Variants in CSMD1 observed in about 807,000 individuals in gnomAD.
CSMD1 encodes CUB and sushi domain-containing protein 1.
In CSMD1, 213 loss-of-function variants were observed where a neutral mutation model predicts 417.5. The ratio of observed to expected loss-of-function variants is 0.51; its 90% CI spans 0.46 to 0.57. The LOEUF is 0.57. CSMD1 is among the 20% of genes least tolerant of loss of function. CSMD1 has a pLI of 0.00. For synonymous variants in CSMD1, 2,862 were observed against 1,736.8 expected, an observed-to-expected ratio of 1.65 and a Z score of -16.11; for missense variants, 6,923 against 4,529.7, an observed-to-expected ratio of 1.53 and a Z score of -15.17.
At chr8:3,747,252 T>C (rs1259938078) in intron 6 of CSMD1, among the ~76,000 whole-genome samples, 3 of 152,186 alleles carry the variant, frequency 2.0e-5, no homozygotes, top group Non-Finnish European at 4.4e-5. Flanking sequence ...TTCTTTCTGT[T>C]CTGCCATCCA....
intron 5 of CSMD1, among the ~76,000 whole-genome samples, chr8:3,853,239 G>T (rs1255678990): frequency 1.3e-5 from 2 of 152,138 alleles, no homozygotes; most frequent in African/African-American, 4.8e-5. Context: ...TCCTTTTGGG[G>T]ATTCATTCCT....
chr8:4,723,295 C>A (rs752266748), intron 1 of CSMD1, among the ~76,000 whole-genome samples: 1 of 152,118 alleles, frequency 6.6e-6, no homozygotes, highest in South Asian at 2.1e-4. Flanking sequence ...TGGGAATCAT[C>A]CAATTACTAC....
Position 3,329,621 on chromosome 8 carries a change from G to T in CSMD1, c.3631+13673C>A, listed in dbSNP as rs563729118. On this transcript the variant is annotated intron_variant, in intron 23 of 69. Coordinates refer to ENST00000635120, the MANE Select transcript of CSMD1 (RefSeq NM_033225.6). The stretch of plus-strand genomic sequence containing the variant: ...ATGAGTGCGTCCCCTTCACAGGTTG[G>T]AGCTCAGGCTACTACAAAGGTCTGC... Among the ~76,000 whole-genome samples the T allele has an allele frequency of 5.9e-5, 9 of 152,186 alleles. No homozygotes were observed. The South Asian group carries it at 1.7e-3, about 28-fold the overall frequency.
At chr8:3,439,309 A>ATATATATTTTTTTTTT in intron 12 of CSMD1, among the ~76,000 whole-genome samples, 1 of 62,482 alleles carries the variant, frequency 1.6e-5, no homozygotes, top group Non-Finnish European at 2.9e-5. Context: ...ATATATATAT[A>ATATATATTTTTTTTTT]TTTTTTTTTT....
rs149218392 is a variant in CSMD1 at position 3,219,585 on chromosome 8, T to A, written c.4485-143A>T. On this transcript the variant is annotated intron_variant, in intron 28 of 69. Coordinates refer to ENST00000635120, the MANE Select transcript of CSMD1 (RefSeq NM_033225.6). ...AGGGCAATCAAAAAGTTAAATGTAG[T>A]ATGAATCAAAATATTAATAAAATAG... 344 of 565,062 alleles carry A rather than the reference T, an allele frequency of 6.1e-4. 3 individuals are homozygous for A. Among genetic ancestry groups the A allele is most frequent in the African/African-American group, 6.1e-3 (315 of 51,858 alleles). The allele number at this position is 565,062 out of a possible 1,614,324, so 35.0% of individuals were successfully genotyped here. A position where few individuals can be genotyped will look rare whatever the true frequency, so the allele number is the denominator to read the frequency against.
At chr8:4,381,303 G>T (rs540736938) in intron 3 of CSMD1, among the ~76,000 whole-genome samples, 1 of 152,236 alleles carries the variant, frequency 6.6e-6, no homozygotes, top group East Asian at 1.9e-4. Flanking sequence ...AAACCACTGG[G>T]TGGGGAATTG....
At chr8:3,682,341 A>C (rs934701013) in intron 7 of CSMD1, among the ~76,000 whole-genome samples, 1 of 152,216 alleles carries the variant, frequency 6.6e-6, no homozygotes, top group Admixed American at 6.5e-5. Flanking sequence ...AAACAAATTT[A>C]CAAGAAAAAA....
At chr8:4,193,431 T>C (rs980714451) in intron 3 of CSMD1, among the ~76,000 whole-genome samples, 3 of 151,800 alleles carry the variant, frequency 2.0e-5, no homozygotes, top group East Asian at 1.9e-4. Context: ...TCTGTTCACA[T>C]CCAGGTACCC....
At chr8:2,988,644 T>C (rs1806131485) in intron 54 of CSMD1, among the ~76,000 whole-genome samples, 1 of 152,220 alleles carries the variant, frequency 6.6e-6, no homozygotes, top group South Asian at 2.1e-4. Context: ...CATCTTCAAC[T>C]GTATAAATTA....
intron 2 of CSMD1, among the ~76,000 whole-genome samples, chr8:4,461,046 T>C (rs1008233267): frequency 6.6e-6 from 1 of 152,066 alleles, no homozygotes; most frequent in Admixed American, 6.6e-5. Context: ...CAACAACATA[T>C]AAAGCATTAT....
chr8:3,564,839 A>C (rs937912886), intron 10 of CSMD1, among the ~76,000 whole-genome samples: 1 of 152,056 alleles, frequency 6.6e-6, no homozygotes, highest in African/African-American at 2.4e-5. Flanking sequence ...AGTTTATGAA[A>C]AAAGTTGCAA....
At chr8:4,506,740 C>T (rs538365113) in intron 2 of CSMD1, among the ~76,000 whole-genome samples, 4 of 152,140 alleles carry the variant, frequency 2.6e-5, no homozygotes, top group Non-Finnish European at 4.4e-5. Context: ...GTTTCATCAG[C>T]TTATATATGG....
chr8:3,658,442 A>G (rs1798237994), intron 7 of CSMD1, among the ~76,000 whole-genome samples: 1 of 136,948 alleles, frequency 7.3e-6, no homozygotes, highest in South Asian at 2.3e-4. Flanking sequence ...GAGCAAGCAC[A>G]TATATCTATA....
At chr8:3,244,881 C>G (rs1315456903) in intron 26 of CSMD1, among the ~76,000 whole-genome samples, 1 of 152,112 alleles carries the variant, frequency 6.6e-6, no homozygotes, top group Non-Finnish European at 1.5e-5. Context: ...TAGGACCTGA[C>G]TCTCAGCCCA....
chr8:4,957,104 T>C (rs1294820540), intron 1 of CSMD1, among the ~76,000 whole-genome samples: 1 of 152,198 alleles, frequency 6.6e-6, no homozygotes, highest in Non-Finnish European at 1.5e-5. Flanking sequence ...TTTTAAAATA[T>C]AATAAATCAT....
chr8:3,026,477 T>C (rs1307665288), intron 51 of CSMD1, among the ~76,000 whole-genome samples: 1 of 150,406 alleles, frequency 6.6e-6, no homozygotes, highest in East Asian at 2.0e-4. Context: ...TCACTGGACC[T>C]CACTGGGCTT....
rs1396669871 is a variant in CSMD1, at chr8:3,214,534, C to T, written c.4830G>A (p.Gly1610=). Residue 1610 remains glycine, a synonymous_variant, in exon 30 of 70, where the codon GGG becomes GGA. Coordinates refer to ENST00000635120, the MANE Select transcript of CSMD1 (RefSeq NM_033225.6). ...GCAGCACTTGGTCCCAGGAGGGTTT[C>T]CCATCAGCCCCAATCACACAGGTGA... The part of the protein sequence containing the change: ...SSITCVIGAD[G]KPSWDQVLPS... 1.2e-6 allele frequency: 2 copies of T among 1,600,050 alleles called. No homozygotes were observed. Among genetic ancestry groups the T allele is most frequent in the Non-Finnish European group, 1.7e-6 (2 of 1,173,168 alleles).
chr8:4,807,960 G>A (rs1015875926), intron 1 of CSMD1, among the ~76,000 whole-genome samples: 1 of 152,170 alleles, frequency 6.6e-6, no homozygotes, highest in South Asian at 2.1e-4. Flanking sequence ...CTCAGTAGGA[G>A]TTCACTTGGA....
chr8:3,095,146 T>C (rs896950350), intron 47 of CSMD1, among the ~76,000 whole-genome samples: 68 of 152,310 alleles, frequency 4.5e-4, no homozygotes, highest in African/African-American at 1.6e-3. Context: ...TATATTTCAA[T>C]TCAACTACTG....
Sources: gnomAD v4.1 joint callset for allele counts (sites outside exome capture counted in the v4.1 genomes callset) on GRCh38, gnomAD v4.1.1 for gene constraint, MANE v1.5 for transcripts, NCBI Gene and HGNC (gene_info 2026-07-23, HGNC 2026-07-21) for gene names.